PKD1: variants seen among roughly 807,000 people sequenced by gnomAD.
PKD1 encodes polycystin 1, transient receptor potential channel interacting, also known as polycystin-1.
In PKD1, 81 loss-of-function variants were observed where a neutral mutation model predicts 361.7. The ratio of observed to expected loss-of-function variants is 0.22; its 90% confidence interval spans 0.19 to 0.27. The LOEUF (loss-of-function observed/expected upper bound fraction) is 0.27, where lower values mean the gene tolerates loss of function less well. PKD1 is among the 10% of genes least tolerant of loss of function. The probability of loss-of-function intolerance (pLI) is 1.00; values close to 1 mark genes in which losing one functional copy is unlikely to be tolerated. For missense variants in PKD1, 6,399 were observed against 6,118.3 expected (o/e 1.05, Z -1.53); for synonymous variants, 3,615 against 2,818.3 (o/e 1.28, Z -8.95).
intron 30 of PKD1, among the ~76,000 whole-genome samples, chr16:2,098,679 G>C (rs577557958): frequency 2.1e-5 from 3 of 143,282 alleles, no homozygotes; most frequent in Non-Finnish European, 3.0e-5. Context: ...CATTCCTAAG[G>C]GGTGCGGCCT....
chr16:2,093,413 G>A (rs1489587292), intron 37 of PKD1, 131 bp downstream of exon 37: 5 of 892,056 alleles, frequency 5.6e-6, no homozygotes, highest in Non-Finnish European at 6.9e-6. Context: ...CCGGGCAAAG[G>A]CTGCAGAGCA....
In PKD1 at chr16:2,097,569, G is replaced by C. The variant is rs1422918244; in HGVS notation, c.10221-66C>G. ...CACACACACAGCCCACCCCCGTCCAGTCACGCACGGACACCCTGGGCTTCC... is the reference window on the plus strand; with the variant it reads ...CACACACACAGCCCACCCCCGTCCACTCACGCACGGACACCCTGGGCTTCC... On this transcript the variant is annotated intron_variant, in intron 32 of 45. Coordinates refer to ENST00000262304, the MANE Select transcript of PKD1 (RefSeq NM_001009944.3). 19 of 1,604,622 alleles carry C rather than the reference G, an allele frequency of 1.2e-5. No individual in the cohort carries two copies. The Admixed American group carries it at 1.5e-4, about 13-fold the overall frequency.
At chr16:2,098,191 G>C (rs1380360854) in intron 30 of PKD1, 2 of 599,174 alleles carry the variant, frequency 3.3e-6, no homozygotes, top group Non-Finnish European at 6.0e-6. Flanking sequence ...GACTGGTGCA[G>C]CTAAGGAACA....
rs1172530335 is a variant in PKD1, at chr16:2,091,922, G to A, written c.11412-16C>T. The A allele has an allele frequency of 3.7e-6, 6 of 1,611,458 alleles. No homozygotes were observed. The highest frequency in any genetic ancestry group is 5.1e-6 in the Non-Finnish European group (6 of 1,179,632). On this transcript the variant is annotated splice_polypyrimidine_tract_variant and intron_variant, in intron 40 of 45. Coordinates refer to ENST00000262304, the MANE Select transcript of PKD1 (RefSeq NM_001009944.3). ...GGACCATGCCCTGCCGGAGAGGGGT[G>A]GCGTGGGTGCCGCACCCCAGCCCTT...
chr16:2,106,953 C>A lies in PKD1; in HGVS notation c.7066-5G>T, dbSNP rs372745980. On this transcript the variant is annotated splice_polypyrimidine_tract_variant and splice_region_variant and intron_variant, in intron 16 of 45. Coordinates refer to ENST00000262304, the MANE Select transcript of PKD1 (RefSeq NM_001009944.3). This position sits in a 1 kb window ranked among gnomAD's most constrained non-coding sequence, Gnocchi z 6.5. ...CCGGCCACTCCGGATCAGCACCTGG[C>A]GTGGGAGTGGGGTTACCTCCAACAC... 1.0e-4 allele frequency: 161 copies of A among 1,584,940 alleles called. No homozygotes were observed. Among genetic ancestry groups the A allele is most frequent in the Non-Finnish European group, 1.3e-4 (157 of 1,171,392 alleles).
chr16:2,091,532 G>A lies in PKD1; in HGVS notation c.11603C>T (p.Thr3868Met), dbSNP rs1320643987. Residue 3868 changes from threonine (T) to methionine (M), a missense_variant, in exon 42 of 46, where the codon ACG (threonine) becomes ATG (methionine). By Grantham distance (81) the Thr-to-Met change is moderately conservative. Coordinates refer to ENST00000262304, the MANE Select transcript of PKD1 (RefSeq NM_001009944.3). ...SPAVGLHAAV[T>M]LRLEFPAAGR... Reference sequence around the variant, plus strand: ...GGCCGCCGGGAACTCGAGGCGCAGCGTGACGGCGGCGTGCAGCCCCACGGC... The same window carrying A: ...GGCCGCCGGGAACTCGAGGCGCAGCATGACGGCGGCGTGCAGCCCCACGGC... 2 of 1,499,302 alleles carry A rather than the reference G, an allele frequency of 1.3e-6. No homozygotes were observed. Among genetic ancestry groups the A allele is most frequent in the East Asian group, 5.2e-5 (2 of 38,234 alleles). 92.9% of individuals were successfully genotyped at this position (1,499,302 alleles called of 1,614,324 possible).
rs536739835 is a variant in PKD1, at chr16:2,110,336, C to T, written c.4831G>A (p.Val1611Ile). ...GAGCCCACCTCGTTCTCAGCCGTGA[C>T]GATGATATTGAAGGTGCCCACGGAG... ...FRSVGTFNIIVTAENEVGSAQ... is the reference protein window; with the variant it reads ...FRSVGTFNIIITAENEVGSAQ... The change falls in exon 15 of 46, where the codon GTC (valine) becomes ATC (isoleucine). Residue 1611 changes from valine to isoleucine, a missense_variant. By Grantham distance (29) the Val-to-Ile change is conservative. Coordinates refer to ENST00000262304, the MANE Select transcript of PKD1 (RefSeq NM_001009944.3). 50 of 1,612,636 alleles carry T rather than the reference C, an allele frequency of 3.1e-5. No homozygotes were observed. Among genetic ancestry groups the T allele is most frequent in the African/African-American group, 2.4e-4 (18 of 75,036 alleles).
At position 2,089,894 on chromosome 16, in the gene PKD1, G is replaced by T. The variant is rs774789461; in HGVS notation, c.12745C>A (p.Arg4249Ser). The T allele has an allele frequency of 1.2e-6, 2 of 1,611,216 alleles. No individual in the cohort carries two copies. Among genetic ancestry groups the T allele is most frequent in the South Asian group, 2.2e-5 (2 of 90,858 alleles). Residue 4249 changes from arginine to serine, a missense_variant, in exon 46 of 46, where the codon CGC (arginine) becomes AGC (serine). Physicochemically the swap from Arg to Ser is moderately radical, Grantham distance 110 (BLOSUM62 -1). Transcript: ENST00000262304. ...LEQQLHSLQGRRSSRAPAGSS... is the reference protein window; with the variant it reads ...LEQQLHSLQGSRSSRAPAGSS... ...CCGGCGGGCGCCCGGCTGCTCCTGC[G>T]GCCTTGCAGGCTGTGCAGCTGCTGC...
intron 20 of PKD1, 45 bp downstream of exon 20, chr16:2,105,820 G>A (rs2854570): frequency 1.3e-6 from 2 of 1,573,814 alleles, no homozygotes; most frequent in Non-Finnish European, 1.7e-6. Context: ...TTGGTCCCAA[G>A]CACGCATGCA....
In PKD1 at chr16:2,102,383, G is replaced by T. The variant is rs1211697062; in HGVS notation, c.9199C>A (p.Pro3067Thr). Reference protein sequence around the residue: ...VPPSHVRFVFPEPTADVNYIV... With the variant: ...VPPSHVRFVFTEPTADVNYIV... ...CCCAGGAGCACAGGGTCACTCACAG[G>T]AAACACAAAGCGGACATGGCTTGGG... The change falls in exon 25 of 46, where the codon CCT (proline) becomes ACT (threonine). Residue 3067 changes from proline (P) to threonine (T), a missense_variant and splice_region_variant. Coordinates refer to ENST00000262304, the MANE Select transcript of PKD1 (RefSeq NM_001009944.3). 2 of 1,556,260 alleles carry T rather than the reference G, an allele frequency of 1.3e-6. No homozygotes were observed. Among genetic ancestry groups the T allele is most frequent in the South Asian group, 2.3e-5 (2 of 85,142 alleles).
intron 37 of PKD1, 111 bp downstream of exon 37, chr16:2,093,432 CT>C: frequency 9.5e-7 from 1 of 1,050,038 alleles, no homozygotes; most frequent in Non-Finnish European, 1.4e-6. Flanking sequence ...CATTGAACCC[CT>C]AAGGGCCTTC....
chr16:2,115,698 C>A (rs547340603), intron 9 of PKD1, 73 bp from the exon 10 acceptor site: 7 of 1,427,008 alleles, frequency 4.9e-6, no homozygotes, highest in South Asian at 2.4e-5. Context: ...ACTGCCTGCA[C>A]CAGCAATCCT....
chr16:2,106,209 T>C lies in PKD1; in HGVS notation c.7585A>G (p.Lys2529Glu), dbSNP rs773562096. The stretch of plus-strand genomic sequence containing the variant: ...GCTCCGTAGCTGGAGAGGCTGCCCT[T>C]GTAGACACAGAACTCCTCGCAGTGG... ...QGHCEEFCVY[K>E]GSLSSYGAVL... is the part of the protein sequence containing the mutation. Residue 2529 changes from lysine to glutamate, a missense_variant, in exon 19 of 46, where the codon AAG becomes GAG. Coordinates refer to ENST00000262304, the MANE Select transcript of PKD1 (RefSeq NM_001009944.3). The surrounding 1 kb of genome is among the most constrained non-coding windows in gnomAD (Gnocchi z 6.5). The C allele has an allele frequency of 1.2e-6, 2 of 1,610,010 alleles. No individual in the cohort carries two copies. The highest frequency in any genetic ancestry group is 1.1e-5 in the South Asian group (1 of 90,986).
rs531528257 is a variant in PKD1 at position 2,100,985 on chromosome 16, T to C, written c.9398-419A>G. 8.1e-4 allele frequency among the ~76,000 whole-genome samples: 123 copies of C among 151,796 alleles called. No individual in the cohort carries two copies. The highest frequency in any genetic ancestry group is 3.3e-3 in the Admixed American group (50 of 15,250). ...CCAGTGACAGACCCAGGTGACAGTA[T>C]TTTTTTTCTTTTTTTTTTGAGATGG... On this transcript the variant is annotated intron_variant, in intron 26 of 45. Coordinates refer to ENST00000262304, the MANE Select transcript of PKD1 (RefSeq NM_001009944.3). The surrounding 1 kb of genome is among the most constrained non-coding windows in gnomAD (Gnocchi z 4.4).
Position 2,102,871 on chromosome 16 carries a change from C to T in PKD1, c.8891G>A (p.Arg2964His), listed in dbSNP as rs765883625. 1.5e-5 allele frequency: 24 copies of T among 1,609,996 alleles called. No individual in the cohort carries two copies. Among genetic ancestry groups the T allele is most frequent in the Admixed American group, 1.2e-4 (7 of 59,988 alleles). Residue 2964 changes from arginine (R) to histidine (H), a missense_variant, in exon 24 of 46, where the codon CGC becomes CAC. By Grantham distance (29) the Arg-to-His change is conservative (BLOSUM62 0). Transcript: ENST00000262304. ...GTCAGCACCCTGGAGTGACTCTGGG[C>T]GGATCCTCCTGCTAGCCGAGCAGTT... Reference protein sequence around the residue: ...EHNCSASRRIRPESLQGADHR... With the variant: ...EHNCSASRRIHPESLQGADHR...
In PKD1 at chr16:2,094,156, C is replaced by G. The variant is rs1332528470; in HGVS notation, c.10554G>C (p.Glu3518Asp). 1.2e-6 allele frequency: 2 copies of G among 1,601,832 alleles called. No homozygotes were observed. The highest frequency in any genetic ancestry group is 1.7e-6 in the Non-Finnish European group (2 of 1,174,444). Residue 3518 changes from glutamate to aspartate, a missense_variant, in exon 35 of 46, where the codon GAG (glutamate) becomes GAC (aspartate). Transcript: ENST00000262304. The stretch of plus-strand genomic sequence containing the variant: ...TCAGGCCTGGGCTGGGTGGCCCCAG[C>G]TCCCCCAGCCTCTGCAGCGCCAGCG... ...TETLALQRLG[E>D]LGPPSPGLNW...
At position 2,090,631 on chromosome 16, in the gene PKD1, T is replaced by A. The variant is rs912574645; in HGVS notation, c.12139-41A>T. The A allele has an allele frequency of 3.7e-6, 6 of 1,609,776 alleles. No individual in the cohort carries two copies. In the Admixed American group the frequency reaches 5.0e-5, roughly 13 times the overall value. ...CACCAGTGAGGGCGTACAGCTGAGC[T>A]GAGCTGAGCTAAGACGCCCTCCCCG... On this transcript the variant is annotated intron_variant, in intron 44 of 45. Coordinates refer to ENST00000262304, the MANE Select transcript of PKD1 (RefSeq NM_001009944.3).
Position 2,114,201 on chromosome 16 carries a change from G to C in PKD1, c.2822C>G (p.Pro941Arg), listed in dbSNP as rs1281096531. The C allele has an allele frequency of 9.3e-6, 15 of 1,609,082 alleles. No homozygotes were observed. The highest frequency in any genetic ancestry group is 1.1e-5 in the Non-Finnish European group (13 of 1,179,612). The stretch of plus-strand genomic sequence containing the variant: ...GACTCCCTGCAGTACACGGGCCTCG[G>C]GGCTGGGCGTGGCGCGGAGGCCACA... ...PICGLRATPS[P>R]EARVLQGVLV... The change falls in exon 11 of 46, where the codon CCC becomes CGC. Residue 941 changes from proline (P) to arginine (R), a missense_variant. By Grantham distance (103) the Pro-to-Arg change is moderately radical (BLOSUM62 -2). Transcript: ENST00000262304.
chr16:2,092,044 C>T lies in PKD1; in HGVS notation c.11411+3G>A. On this transcript the variant is annotated splice_donor_region_variant and intron_variant, in intron 40 of 45. Transcript: ENST00000262304. ...AGACGCCCGGGGCCCTCGCTCTGCT[C>T]ACCCCAGCAGATCCGGCGCTGAATA... The T allele has an allele frequency of 6.2e-7, 1 of 1,612,784 alleles. No homozygotes were observed. Among genetic ancestry groups the T allele is most frequent in the South Asian group, 1.1e-5 (1 of 91,078 alleles).
Sources: allele counts gnomAD v4.1 joint callset (sites outside exome capture counted in the v4.1 genomes callset), GRCh38; gene constraint gnomAD v4.1.1; non-coding constraint Gnocchi (gnomAD v3.1); transcripts MANE v1.5; gene names NCBI Gene and HGNC (gene_info 2026-07-23, HGNC 2026-07-21).